The following MCF2L variants were observed in gnomAD, a reference collection of about 807,000 sequenced individuals.
MCF2L encodes guanine nucleotide exchange factor DBS.
In MCF2L, 97 loss-of-function variants were observed where a neutral mutation model predicts 153.4. The ratio of observed to expected loss-of-function variants is 0.63; its 90% CI spans 0.54 to 0.75. The LOEUF is 0.75. MCF2L is among the 30% of genes least tolerant of loss of function. The probability of loss-of-function intolerance (pLI) is 0.00; values close to 1 mark genes in which losing one functional copy is unlikely to be tolerated. For missense variants in MCF2L, 1,347 were observed against 1,495.2 expected, an observed-to-expected ratio of 0.90 and a Z score of 1.64; for synonymous variants, 659 against 632.2, an observed-to-expected ratio of 1.04 and a Z score of -0.64.
At position 112,945,936 on chromosome 13, in the gene MCF2L, CTGTGGCTTCCA is replaced by C. The variant is rs1403426382; in HGVS notation, c.169+43575_169+43585del. Among the ~76,000 whole-genome samples the C allele has an allele frequency of 4.6e-5, 7 of 152,144 alleles. No individual in the cohort carries two copies. The South Asian group carries it at 1.2e-3, about 27-fold the overall frequency. On this transcript the variant is annotated intron_variant, in intron 2 of 29. Coordinates refer to the MCF2L transcript ENST00000375608. Reference sequence around the variant, plus strand: ...TTTCTTATTCTCTTTGGGACTGTCCCTGTGGCTTCCATGTGGCTTCAGACAGGTGAGGAGCT... The same window carrying C: ...TTTCTTATTCTCTTTGGGACTGTCCCTGTGGCTTCAGACAGGTGAGGAGCT...
intron 1 of MCF2L, among the ~76,000 whole-genome samples, chr13:112,996,258 T>C (rs1490187216): frequency 6.6e-6 from 1 of 152,196 alleles, no homozygotes; most frequent in Non-Finnish European, 1.5e-5. Flanking sequence ...AGATCAAGGC[T>C]GCAGTGAGCC....
chr13:112,982,653 G>C (rs1197948310), intron 1 of MCF2L, among the ~76,000 whole-genome samples: 1 of 152,188 alleles, frequency 6.6e-6, no homozygotes, highest in Non-Finnish European at 1.5e-5. Flanking sequence ...CTGTGGGAGG[G>C]GGGAGACGTG....
chr13:113,061,483 A>G lies in MCF2L; in HGVS notation c.489+771A>G, dbSNP rs943959933. ...CAGGCACCGCAGAGCACCCCATGGC[A>G]CCAGCCAGATGCTACTGGAAACCAG... On this transcript the variant is annotated intron_variant, in intron 5 of 29. Coordinates refer to ENST00000535094, the MANE Select transcript of MCF2L (RefSeq NM_001112732.3). Among the ~76,000 whole-genome samples, 8 of 152,062 alleles carry G rather than the reference A, an allele frequency of 5.3e-5. No individual in the cohort carries two copies. In the South Asian group the frequency reaches 6.2e-4, roughly 12 times the overall value.
At chr13:113,036,563 G>A (rs550111406) in intron 3 of MCF2L, among the ~76,000 whole-genome samples, 5 of 152,332 alleles carry the variant, frequency 3.3e-5, no homozygotes, top group Admixed American at 3.3e-4. Context: ...AACGGCAGTG[G>A]TGGGGGCAAG....
intron 2 of MCF2L, among the ~76,000 whole-genome samples, chr13:112,931,584 A>G (rs7984269): frequency 0.74 from 113,241 of 152,098 alleles, 42,244 homozygotes; most frequent in Admixed American, 0.8. Flanking sequence ...GCCTCTCCTC[A>G]CCTTGACAGC....
chr13:112,986,501 C>T (rs913756107), intron 1 of MCF2L, among the ~76,000 whole-genome samples: 1 of 152,248 alleles, frequency 6.6e-6, no homozygotes, highest in East Asian at 1.9e-4. Context: ...CCCCACGGTC[C>T]CACTGCCCTC....
intron 2 of MCF2L, among the ~76,000 whole-genome samples, chr13:112,948,337 C>T (rs1426059903): frequency 6.6e-6 from 1 of 152,180 alleles, no homozygotes; most frequent in Non-Finnish European, 1.5e-5. Flanking sequence ...TCTTTATATT[C>T]TGCTTCCCTT....
chr13:112,910,406 T>G (rs1163139697), intron 2 of MCF2L: 1 of 152,256 alleles, frequency 6.6e-6, no homozygotes, highest in Admixed American at 6.5e-5. Context: ...TTTATAATTA[T>G]GAACACTTGC....
At chr13:113,010,837 G>C (rs763751012) in intron 1 of MCF2L, among the ~76,000 whole-genome samples, 1 of 152,198 alleles carries the variant, frequency 6.6e-6, no homozygotes, top group Non-Finnish European at 1.5e-5. Context: ...CCTCCCAGAC[G>C]TCTGACAGCA....
Position 113,076,119 on chromosome 13 carries a change from T to C in MCF2L, c.1462T>C (p.Tyr488His). The C allele has an allele frequency of 6.2e-7, 1 of 1,613,932 alleles. No homozygotes were observed. The highest frequency in any genetic ancestry group is 8.5e-7 in the Non-Finnish European group (1 of 1,179,968). ...ENKIQELNAIYKEYESILNQD... is the reference protein window; with the variant it reads ...ENKIQELNAIHKEYESILNQD... ...TAAGATCCAGGAGCTCAACGCGATT[T>C]ACAAGGAATACGAATCCATCCTCAA... is the stretch of plus-strand genomic sequence containing the variant. The change falls in exon 12 of 30, where the codon TAC (tyrosine) becomes CAC (histidine). Residue 488 changes from tyrosine (Y) to histidine (H), a missense_variant. Physicochemically the swap from Tyr to His is moderately conservative, Grantham distance 83 (BLOSUM62 2). Around this residue, in one of 3 missense-constraint regions of MCF2L, gnomAD observed 820 missense variants for 921.2 expected, o/e 0.89. Coordinates refer to ENST00000535094, the MANE Select transcript of MCF2L (RefSeq NM_001112732.3).
intron 2 of MCF2L, among the ~76,000 whole-genome samples, chr13:112,927,714 C>T (rs543378628): frequency 6.6e-6 from 1 of 152,084 alleles, no homozygotes; most frequent in Non-Finnish European, 1.5e-5. Context: ...TGACCAGGCA[C>T]CTAGATGTAA....
intron 1 of MCF2L, chr13:113,010,349 C>T (rs2084009465): frequency 6.6e-6 from 1 of 152,194 alleles, no homozygotes; most frequent in Admixed American, 6.5e-5. Flanking sequence ...TTGCTTCAGT[C>T]GTCTGGTTTT....
At chr13:113,057,773 G>A (rs1318983005) in intron 4 of MCF2L, among the ~76,000 whole-genome samples, 4 of 147,826 alleles carry the variant, frequency 2.7e-5, no homozygotes, top group Admixed American at 2.7e-4. Context: ...TGGGTGCTGA[G>A]TGTTTAGTAG....
Position 113,074,653 on chromosome 13 carries a change from T to C in MCF2L, c.1116+90T>C. ...AAGGCGCAGGAATGGGCCTCCCGCC[T>C]ACGGAGAACGGACCCCACAGCCCCC... is the stretch of plus-strand genomic sequence containing the variant. On this transcript the variant is annotated intron_variant, in intron 10 of 29. Transcript: ENST00000535094. The surrounding 1 kb of genome is among the most constrained non-coding windows in gnomAD (Gnocchi z 4.2). 1 of 1,556,884 alleles carries C rather than the reference T, an allele frequency of 6.4e-7. No homozygotes were observed.
At position 112,983,381 on chromosome 13, in the gene MCF2L, C is replaced by T. The variant is rs1443455961; in HGVS notation, c.79+13923C>T. Among the ~76,000 whole-genome samples, 2 of 152,206 alleles carry T rather than the reference C, an allele frequency of 1.3e-5. No homozygotes were observed. The highest frequency in any genetic ancestry group is 2.4e-5 in the African/African-American group (1 of 41,430). On this transcript the variant is annotated intron_variant, in intron 1 of 29. Coordinates refer to ENST00000535094, the MANE Select transcript of MCF2L (RefSeq NM_001112732.3). This position sits in a 1 kb window ranked among gnomAD's most constrained non-coding sequence, Gnocchi z 4.0. ...CCAGTGGCACTGCGGAAACCCAGGC[C>T]GGACCTCACAATTGCAGGATGAGCC... is the stretch of plus-strand genomic sequence containing the variant.
At chr13:112,918,000 G>GACTTTGTATCTT (rs1200092616) in intron 2 of MCF2L, among the ~76,000 whole-genome samples, 1 of 152,172 alleles carries the variant, frequency 6.6e-6, no homozygotes, top group Non-Finnish European at 1.5e-5. Flanking sequence ...AGTCCCCTGG[G>GACTTTGTATCTT]ACTTTGTATC....
intron 1 of MCF2L, chr13:113,001,946 C>A: frequency 1.3e-6 from 2 of 1,594,652 alleles, no homozygotes. Flanking sequence ...TGTGCCGGGA[C>A]CTCTGGGCGC....
chr13:112,984,041 G>A (rs894225487), intron 1 of MCF2L, among the ~76,000 whole-genome samples: 1 of 152,176 alleles, frequency 6.6e-6, no homozygotes, highest in Non-Finnish European at 1.5e-5. Flanking sequence ...GTTGGGGCCG[G>A]TGCCAGGGTT....
chr13:112,960,077 G>A lies in MCF2L; in HGVS notation c.170-54686G>A, dbSNP rs916432270. On this transcript the variant is annotated intron_variant, in intron 2 of 29. Transcript: ENST00000375608. The surrounding 1 kb of genome is among the most constrained non-coding windows in gnomAD (Gnocchi z 4.2). ...AGGGCAGAGGCCTTCTGTCCCGGAC[G>A]CCTGCCCTCAGGGGCTGTGTCTTTG... Among the ~76,000 whole-genome samples the A allele has an allele frequency of 3.3e-5, 5 of 152,222 alleles. No individual in the cohort carries two copies. The highest frequency in any genetic ancestry group is 1.3e-4 in the Admixed American group (2 of 15,286).
Sources: gnomAD v4.1 joint callset for allele counts (sites outside exome capture counted in the v4.1 genomes callset) on GRCh38, gnomAD v4.1.1 for gene constraint, gnomAD v4.1.1 regional missense constraint, Gnocchi (gnomAD v3.1) non-coding constraint, MANE v1.5 for transcripts, NCBI Gene and HGNC (gene_info 2026-07-23, HGNC 2026-07-21) for gene names.